The following NEGR1 variants were observed in gnomAD, a reference collection of about 807,000 sequenced individuals.
NEGR1 encodes neuronal growth regulator 1.
In NEGR1, 10 loss-of-function variants were observed where a neutral mutation model predicts 40.9. That is an observed-to-expected ratio of 0.24 (90% CI 0.15 to 0.42). The LOEUF (loss-of-function observed/expected upper bound fraction) is 0.42. Ranked by LOEUF, NEGR1 falls within the 10% of genes least tolerant of loss-of-function variation. The pLI, the probability that NEGR1 is intolerant of heterozygous loss-of-function variation, is 1.00. For missense variants in NEGR1, 352 were observed against 438.9 expected, an observed-to-expected ratio of 0.80 and a Z score of 1.77; for synonymous variants, 185 against 166.8, an observed-to-expected ratio of 1.11 and a Z score of -0.84.
At chr1:72,252,985 T>C (rs371746059) in intron 1 of NEGR1, among the ~76,000 whole-genome samples, 17 of 152,230 alleles carry the variant, frequency 1.1e-4, no homozygotes, top group African/African-American at 4.1e-4. Flanking sequence ...GTGCTGCTGC[T>C]GTTTTCATTT....
chr1:71,802,848 G>C (rs1657609327), intron 2 of NEGR1, among the ~76,000 whole-genome samples: 1 of 152,000 alleles, frequency 6.6e-6, no homozygotes, highest in African/African-American at 2.4e-5. Context: ...GTTCATAGCT[G>C]GCAAGGAACT....
chr1:71,909,588 A>G (rs1056240166), intron 2 of NEGR1, among the ~76,000 whole-genome samples: 2 of 152,086 alleles, frequency 1.3e-5, no homozygotes, highest in African/African-American at 4.8e-5. Context: ...CTGACATCTC[A>G]CTCAAGTACC....
intron 1 of NEGR1, among the ~76,000 whole-genome samples, chr1:71,946,714 T>G (rs140697880): frequency 6.6e-6 from 1 of 152,048 alleles, no homozygotes; most frequent in Admixed American, 6.6e-5. Context: ...AAATATGTCT[T>G]GTGAACATAC....
intron 6 of NEGR1, among the ~76,000 whole-genome samples, chr1:71,413,072 C>T (rs1173423001): frequency 1.3e-5 from 2 of 152,086 alleles, no homozygotes; most frequent in Non-Finnish European, 1.5e-5. Context: ...GTTCCAATTC[C>T]ATCCCTTTCT....
intron 1 of NEGR1, among the ~76,000 whole-genome samples, chr1:72,143,436 T>A (rs1650761394): frequency 6.6e-6 from 1 of 151,844 alleles, no homozygotes; most frequent in Non-Finnish European, 1.5e-5. Flanking sequence ...AGGATAAAGA[T>A]ACATAAACTG....
intron 1 of NEGR1, among the ~76,000 whole-genome samples, chr1:72,104,556 C>G (rs1179963464): frequency 6.6e-6 from 1 of 152,014 alleles, no homozygotes; most frequent in Non-Finnish European, 1.5e-5. Context: ...GATTTTGAAC[C>G]TCTGATCTCC....
At chr1:72,204,606 G>A (rs1449190365) in intron 1 of NEGR1, among the ~76,000 whole-genome samples, 6 of 152,064 alleles carry the variant, frequency 3.9e-5, no homozygotes, top group Non-Finnish European at 8.8e-5. Context: ...CAAATATCCA[G>A]ACAAATTACA....
At chr1:71,555,004 T>G (rs1648210043) in intron 6 of NEGR1, among the ~76,000 whole-genome samples, 1 of 151,560 alleles carries the variant, frequency 6.6e-6, no homozygotes, top group South Asian at 2.1e-4. Flanking sequence ...AAGTGCTCAT[T>G]AAAAGGAATC....
intron 1 of NEGR1, among the ~76,000 whole-genome samples, chr1:71,989,842 C>T (rs1046906346): frequency 2.6e-5 from 4 of 152,094 alleles, no homozygotes; most frequent in African/African-American, 9.7e-5. Flanking sequence ...AACTCCTTGC[C>T]TAGATTTTCT....
intron 6 of NEGR1, among the ~76,000 whole-genome samples, chr1:71,510,601 G>A (rs1402727807): frequency 6.6e-6 from 1 of 152,162 alleles, no homozygotes; most frequent in South Asian, 2.1e-4. Context: ...CTTAAGCAGA[G>A]AAGGGGATGG....
intron 2 of NEGR1, among the ~76,000 whole-genome samples, chr1:71,798,950 C>A (rs573442433): frequency 3.4e-4 from 51 of 152,100 alleles, no homozygotes; most frequent in Admixed American, 1.8e-3. Flanking sequence ...AGTTATCACT[C>A]TGCATTATTA....
At chr1:72,132,130 A>G (rs1473930081) in intron 1 of NEGR1, among the ~76,000 whole-genome samples, 1 of 152,214 alleles carries the variant, frequency 6.6e-6, no homozygotes, top group Non-Finnish European at 1.5e-5. Context: ...ATAAATTTTA[A>G]AAATGTATTT....
chr1:71,685,930 AT>A (rs1284714142), intron 4 of NEGR1, among the ~76,000 whole-genome samples: 1 of 145,632 alleles, frequency 6.9e-6, no homozygotes, highest in Non-Finnish European at 1.5e-5. Flanking sequence ...TTCAAAAACT[AT>A]TGTCAGAAAA....
At chr1:71,524,677 T>C (rs1214009615) in intron 6 of NEGR1, among the ~76,000 whole-genome samples, 1 of 151,704 alleles carries the variant, frequency 6.6e-6, no homozygotes, top group Non-Finnish European at 1.5e-5. Flanking sequence ...GGGAATTTAT[T>C]ACATTATGTA....
chr1:72,243,303 G>A (rs1194209492), intron 1 of NEGR1, among the ~76,000 whole-genome samples: 1 of 151,726 alleles, frequency 6.6e-6, no homozygotes, highest in African/African-American at 2.4e-5. Context: ...AGCCTCTTAG[G>A]TAGGAGGATA....
chr1:72,034,557 A>ATCTTTT (rs1242135266), intron 1 of NEGR1, among the ~76,000 whole-genome samples: 1 of 152,212 alleles, frequency 6.6e-6, no homozygotes, highest in East Asian at 1.9e-4. Flanking sequence ...AATGCCAAAT[A>ATCTTTT]GATAAAGCAG....
chr1:71,783,605 GAAATACCTACAGATA>G (rs1321802540), intron 2 of NEGR1, among the ~76,000 whole-genome samples: 1 of 152,128 alleles, frequency 6.6e-6, no homozygotes. Context: ...CCAAATTCAT[GAAATACCTACAGATA>G]AAATATGCCA....
chr1:71,854,206 C>A (rs552164312), intron 2 of NEGR1, among the ~76,000 whole-genome samples: 11 of 151,790 alleles, frequency 7.2e-5, no homozygotes, highest in Non-Finnish European at 1.3e-4. Flanking sequence ...TTTTTGGTAC[C>A]TTTTACATAC....
chr1:71,826,386 ACTAAAT>A (rs1305756226), intron 2 of NEGR1, among the ~76,000 whole-genome samples: 2 of 151,778 alleles, frequency 1.3e-5, no homozygotes, highest in African/African-American at 4.8e-5. Context: ...CATTCCTTTC[ACTAAAT>A]CTTCTCTCTC....
Sources: allele counts gnomAD v4.1 joint callset (sites outside exome capture counted in the v4.1 genomes callset), GRCh38; gene constraint gnomAD v4.1.1; transcripts MANE v1.5; gene names NCBI Gene and HGNC (gene_info 2026-07-23, HGNC 2026-07-21).